The following RANBP17 variants were observed in gnomAD, a reference collection of about 807,000 sequenced individuals.
RANBP17 encodes the protein ran-binding protein 17.
Under a neutral mutation model 141.2 loss-of-function variants are expected in RANBP17, and 158 were observed. The ratio of observed to expected loss-of-function variants is 1.12; its 90% confidence interval spans 0.98 to 1.28. RANBP17 has a LOEUF of 1.28. RANBP17 is among the 50% of genes most tolerant of loss of function. RANBP17 has a pLI of 0.00. For missense variants in RANBP17, 1,438 were observed against 1,290.7 expected, an observed-to-expected ratio of 1.11 and a Z score of -1.75; for synonymous variants, 430 against 450.0, an observed-to-expected ratio of 0.96 and a Z score of 0.56.
intron 14 of RANBP17, among the ~76,000 whole-genome samples, chr5:171,168,523 T>G (rs1465499241): frequency 6.6e-6 from 1 of 152,068 alleles, no homozygotes; most frequent in African/African-American, 2.4e-5. Context: ...ACGAGAGAGG[T>G]TTGGCATCAT....
intron 14 of RANBP17, among the ~76,000 whole-genome samples, chr5:171,094,793 G>C (rs1380574591): frequency 6.6e-6 from 1 of 152,142 alleles, no homozygotes; most frequent in Non-Finnish European, 1.5e-5. Context: ...CTAATTGCCA[G>C]TCTTAATGTA....
At chr5:170,951,837 T>C (rs747697465) in intron 12 of RANBP17, among the ~76,000 whole-genome samples, 47 of 151,954 alleles carry the variant, frequency 3.1e-4, no homozygotes, top group Non-Finnish European at 8.8e-5. Context: ...GATATTGAAA[T>C]CACTAGTGAT....
chr5:171,273,515 A>G (rs1430086479), intron 25 of RANBP17, among the ~76,000 whole-genome samples: 2 of 152,206 alleles, frequency 1.3e-5, no homozygotes, highest in African/African-American at 4.8e-5. Flanking sequence ...ACCTCCAGCT[A>G]ATTGTTGCCT....
chr5:171,058,912 G>C (rs1444050047), intron 14 of RANBP17, among the ~76,000 whole-genome samples: 1 of 151,678 alleles, frequency 6.6e-6, no homozygotes, highest in African/African-American at 2.4e-5. Context: ...CTGATGGCCA[G>C]TGATGATGAG....
chr5:171,014,570 G>A (rs1780307125), intron 14 of RANBP17, among the ~76,000 whole-genome samples: 1 of 151,898 alleles, frequency 6.6e-6, no homozygotes, highest in African/African-American at 2.4e-5. Flanking sequence ...CTTTCCAGCA[G>A]AGTACTTCCA....
At chr5:170,900,638 G>A (rs1168849864) in intron 5 of RANBP17, among the ~76,000 whole-genome samples, 1 of 151,996 alleles carries the variant, frequency 6.6e-6, no homozygotes, top group African/African-American at 2.4e-5. Flanking sequence ...CAGCTTTCTG[G>A]TTGTGGGCAT....
chr5:171,178,170 A>AACCCCCCCCCC (rs1760629388), intron 16 of RANBP17, among the ~76,000 whole-genome samples: 1 of 36,056 alleles, frequency 2.8e-5, no homozygotes, highest in Admixed American at 2.9e-4. Flanking sequence ...TCCCTCCCCT[A>AACCCCCCCCCC]CCCCCCCACC....
At chr5:170,924,577 G>A (rs1331320809) in intron 12 of RANBP17, 27 bp downstream of exon 12, 2 of 1,380,604 alleles carry the variant, frequency 1.4e-6, no homozygotes, top group South Asian at 2.6e-5. Context: ...TGACTACTGA[G>A]TATTATGTTG....
chr5:171,122,192 C>T (rs1756087938), intron 14 of RANBP17, among the ~76,000 whole-genome samples: 1 of 152,180 alleles, frequency 6.6e-6, no homozygotes, highest in Non-Finnish European at 1.5e-5. Context: ...TTCCAGTCAC[C>T]ACAGGTCTGT....
chr5:170,925,537 A>G lies in RANBP17; in HGVS notation c.1468+987A>G, dbSNP rs567093585. 9.1e-4 allele frequency among the ~76,000 whole-genome samples: 138 copies of G among 152,290 alleles called. No individual in the cohort carries two copies. In the Middle Eastern group the frequency reaches 0.027, roughly 30 times the overall value. ...AATTCATATAAAAGGATATTTATAT[A>G]TATTGAGACATACAGAATAGCAGTA... On this transcript the variant is annotated intron_variant, in intron 12 of 27. Coordinates refer to ENST00000523189, the MANE Select transcript of RANBP17 (RefSeq NM_022897.5).
chr5:171,278,386 G>A (rs1316249713), intron 25 of RANBP17, among the ~76,000 whole-genome samples: 1 of 152,174 alleles, frequency 6.6e-6, no homozygotes, highest in East Asian at 1.9e-4. Flanking sequence ...GGGTGTGATG[G>A]GGCATGCCTG....
chr5:171,004,974 C>G (rs1455711840), intron 14 of RANBP17, among the ~76,000 whole-genome samples: 2 of 152,086 alleles, frequency 1.3e-5, no homozygotes, highest in African/African-American at 4.8e-5. Context: ...AGCTGTAACT[C>G]AGAAATACGT....
At chr5:171,003,240 G>A (rs1355968727) in intron 14 of RANBP17, among the ~76,000 whole-genome samples, 1 of 152,170 alleles carries the variant, frequency 6.6e-6, no homozygotes, top group Non-Finnish European at 1.5e-5. Flanking sequence ...AAAACAGTTA[G>A]GATGAGTCAG....
At chr5:171,234,428 A>C (rs968225578) in intron 22 of RANBP17, among the ~76,000 whole-genome samples, 1 of 152,190 alleles carries the variant, frequency 6.6e-6, no homozygotes, top group Non-Finnish European at 1.5e-5. Context: ...GAGCACAGGA[A>C]TGACATGACC....
intron 14 of RANBP17, among the ~76,000 whole-genome samples, chr5:171,130,793 A>T (rs954127411): frequency 6.6e-6 from 1 of 152,190 alleles, no homozygotes; most frequent in Non-Finnish European, 1.5e-5. Flanking sequence ...CAGATACATC[A>T]TCAAATTGAC....
intron 13 of RANBP17, among the ~76,000 whole-genome samples, chr5:170,955,466 C>CTATA (rs10610368): frequency 0.013 from 1,546 of 123,058 alleles, 45 homozygotes; most frequent in African/African-American, 0.046. Flanking sequence ...ATATATATAT[C>CTATA]TATATATATA....
At chr5:171,052,225 T>C (rs1783000353) in intron 14 of RANBP17, among the ~76,000 whole-genome samples, 1 of 152,186 alleles carries the variant, frequency 6.6e-6, no homozygotes. Context: ...TTTTTGACGA[T>C]ATTCTTTGAA....
At chr5:171,162,975 A>G (rs1759453366) in intron 14 of RANBP17, among the ~76,000 whole-genome samples, 1 of 152,220 alleles carries the variant, frequency 6.6e-6, no homozygotes, top group Admixed American at 6.5e-5. Flanking sequence ...CAAGATGGCC[A>G]CCACAGATGG....
chr5:171,023,861 T>C (rs1581426987), intron 14 of RANBP17, among the ~76,000 whole-genome samples: 1 of 152,286 alleles, frequency 6.6e-6, no homozygotes, highest in East Asian at 1.9e-4. Context: ...TTATTTTCTG[T>C]CTCATACATT....
Sources: gnomAD v4.1 joint callset for allele counts (sites outside exome capture counted in the v4.1 genomes callset) on GRCh38, gnomAD v4.1.1 for gene constraint, MANE v1.5 for transcripts, NCBI Gene and HGNC (gene_info 2026-07-23, HGNC 2026-07-21) for gene names.